ANKFY1: variants seen among roughly 807,000 people sequenced by gnomAD.
The protein encoded by ANKFY1 is ankyrin repeat and FYVE domain-containing protein 1.
A neutral mutation model predicts 128.3 loss-of-function variants in ANKFY1; 47 were observed. The observed-to-expected ratio is 0.37, with a 90% confidence interval of 0.29 to 0.47. The LOEUF (loss-of-function observed/expected upper bound fraction) is 0.47. ANKFY1 is among the 20% of genes least tolerant of loss of function. The pLI is 1.00. For synonymous variants in ANKFY1, 553 were observed against 601.6 expected, an observed-to-expected ratio of 0.92 and a Z score of 1.18; for missense variants, 1,222 against 1,510.6, an observed-to-expected ratio of 0.81 and a Z score of 3.17.
rs569491218 is a variant in ANKFY1, at chr17:4,263,827, C to T, written c.10+105G>A. 42 of 1,610,284 alleles carry T rather than the reference C, an allele frequency of 2.6e-5. No homozygotes were observed. The African/African-American group carries it at 4.1e-4, about 16-fold the overall frequency. The stretch of plus-strand genomic sequence containing the variant: ...GAAGGCTCGCGAGACCCGCGGAGCC[C>T]CCATGCAACCACGCCCGGCCTTCCC... On this transcript the variant is annotated intron_variant, in intron 1 of 24. Transcript: ENST00000341657.
intron 7 of ANKFY1, 50 bp downstream of exon 7, chr17:4,206,271 T>C: frequency 6.3e-7 from 1 of 1,589,424 alleles, no homozygotes; most frequent in Middle Eastern, 1.7e-4. Flanking sequence ...CAAAAATTAC[T>C]CGGATAAAAA....
At position 4,226,918 on chromosome 17, in the gene ANKFY1, TAC is replaced by T. The variant is rs1026784977; in HGVS notation, c.322+8852_322+8853del. The stretch of plus-strand genomic sequence containing the variant: ...CCAAGAATGAAAAAGGAGTTATTGC[TAC>T]AGACATTAAAAGGAGAAAACTACAA... On this transcript the variant is annotated intron_variant, in intron 3 of 24. Transcript: ENST00000341657. Among the ~76,000 whole-genome samples the T allele has an allele frequency of 5.2e-4, 79 of 152,156 alleles. 1 individual carries two copies. Among genetic ancestry groups the T allele is most frequent in the African/African-American group, 1.7e-3 (69 of 41,528 alleles).
chr17:4,256,153 G>A (rs1158606616), intron 1 of ANKFY1, among the ~76,000 whole-genome samples: 3 of 152,102 alleles, frequency 2.0e-5, no homozygotes, highest in East Asian at 3.9e-4. Context: ...AGGTGGCCAG[G>A]CGCGGTGGCT....
At chr17:4,233,338 A>G (rs1272544085) in intron 3 of ANKFY1, among the ~76,000 whole-genome samples, 1 of 152,120 alleles carries the variant, frequency 6.6e-6, no homozygotes, top group African/African-American at 2.4e-5. Flanking sequence ...TATGAGGTCA[A>G]AGATACATGG....
intron 1 of ANKFY1, among the ~76,000 whole-genome samples, chr17:4,258,389 G>C (rs1159285810): frequency 1.3e-5 from 2 of 152,068 alleles, no homozygotes; most frequent in Non-Finnish European, 2.9e-5. Context: ...GCCAGGCTTG[G>C]TGGCGGGCGC....
intron 16 of ANKFY1, among the ~76,000 whole-genome samples, chr17:4,180,662 C>T (rs1567915400): frequency 7.0e-6 from 1 of 142,340 alleles, no homozygotes; most frequent in African/African-American, 2.6e-5. Context: ...AGGGCTGAGG[C>T]AGGAGAATGG....
chr17:4,209,575 G>A (rs1430993493), intron 5 of ANKFY1, among the ~76,000 whole-genome samples: 4 of 152,260 alleles, frequency 2.6e-5, no homozygotes, highest in South Asian at 2.1e-4. Flanking sequence ...TGCTGGAATT[G>A]CAGGCGTGAG....
At chr17:4,202,614 G>A (rs1458349573) in intron 7 of ANKFY1, among the ~76,000 whole-genome samples, 4 of 123,770 alleles carry the variant, frequency 3.2e-5, no homozygotes, top group Non-Finnish European at 6.6e-5. Flanking sequence ...GGAGAATGGC[G>A]TGAACCCGGG....
At chr17:4,210,708 CAAAAAAAAAAA>C (rs371731375) in intron 4 of ANKFY1, among the ~76,000 whole-genome samples, 4 of 42,454 alleles carry the variant, frequency 9.4e-5, no homozygotes, top group African/African-American at 1.2e-4. Context: ...AACTCTGTCG[CAAAAAAAAAAA>C]AAAAAAAAAA....
chr17:4,208,501 T>C (rs2060067001), intron 5 of ANKFY1, among the ~76,000 whole-genome samples: 1 of 152,144 alleles, frequency 6.6e-6, no homozygotes, highest in African/African-American at 2.4e-5. Context: ...AGTTACAAAA[T>C]CAATTCCAAC....
chr17:4,215,575 C>T (rs755454255), intron 4 of ANKFY1, among the ~76,000 whole-genome samples: 5 of 152,128 alleles, frequency 3.3e-5, no homozygotes, highest in African/African-American at 4.8e-5. Context: ...ACTCCACTCC[C>T]GGTGTCTTCC....
Position 4,215,064 on chromosome 17 carries a change from G to A in ANKFY1, c.458+1919C>T, listed in dbSNP as rs536975953. ...AGCACTTTGGGAGGCTGAGGCGGGC[G>A]GATCACCTGAGGCTAGGAGTTTGAG... On this transcript the variant is annotated intron_variant, in intron 4 of 24. Coordinates refer to ENST00000341657, the MANE Select transcript of ANKFY1 (RefSeq NM_001330063.2). 1.5e-3 allele frequency among the ~76,000 whole-genome samples: 228 copies of A among 152,118 alleles called. 1 individual carries two copies. Among genetic ancestry groups the A allele is most frequent in the Non-Finnish European group, 2.6e-3 (177 of 67,984 alleles).
At position 4,182,389 on chromosome 17, in the gene ANKFY1, A is replaced by G. The variant is rs2059532258; in HGVS notation, c.1953-40T>C. 3 of 1,476,928 alleles carry G rather than the reference A, an allele frequency of 2.0e-6. No homozygotes were observed. The East Asian group carries it at 7.4e-5, about 36-fold the overall frequency. 91.5% of individuals were successfully genotyped at this position (1,476,928 alleles called of 1,614,324 possible). On this transcript the variant is annotated intron_variant, in intron 14 of 24. Coordinates refer to ENST00000341657, the MANE Select transcript of ANKFY1 (RefSeq NM_001330063.2). ...ACACCCAAACCAACGTTTGTGGTTG[A>G]ACCCAAAGCACAGAAGGTGCCCTTC...
intron 2 of ANKFY1, among the ~76,000 whole-genome samples, chr17:4,238,142 CTTAT>C (rs1291683172): frequency 2.0e-5 from 2 of 101,980 alleles, no homozygotes; most frequent in Admixed American, 1.3e-4. Flanking sequence ...GACTCTGTCT[CTTAT>C]TTATTTAAAA....
intron 3 of ANKFY1, among the ~76,000 whole-genome samples, chr17:4,220,195 A>G (rs547727792): frequency 2.0e-5 from 3 of 152,348 alleles, no homozygotes; most frequent in East Asian, 3.9e-4. Context: ...AATTAGATTT[A>G]TTTAAACAAC....
intron 11 of ANKFY1, 36 bp downstream of exon 11, chr17:4,189,346 C>A (rs1282860724): frequency 6.6e-7 from 1 of 1,524,762 alleles, no homozygotes; most frequent in South Asian, 1.2e-5. Flanking sequence ...TTCCATAGAT[C>A]AACACCATTT....
intron 16 of ANKFY1, among the ~76,000 whole-genome samples, chr17:4,180,852 G>A (rs1002686043): frequency 2.6e-5 from 4 of 151,448 alleles, no homozygotes; most frequent in Admixed American, 2.6e-4. Flanking sequence ...GAATAACCTC[G>A]GCTCCCACAC....
intron 5 of ANKFY1, among the ~76,000 whole-genome samples, chr17:4,208,728 C>T (rs2060070781): frequency 6.6e-6 from 1 of 151,664 alleles, no homozygotes; most frequent in African/African-American, 2.4e-5. Context: ...AGCACCAGCC[C>T]TAATATTCTA....
At chr17:4,172,767 G>A in intron 21 of ANKFY1, 87 bp from the exon 22 acceptor site, 1 of 1,512,212 alleles carries the variant, frequency 6.6e-7, no homozygotes, top group Non-Finnish European at 8.9e-7. Context: ...CTCTGTGATG[G>A]TGGATAAATC....
Sources: gnomAD v4.1 joint callset for allele counts (sites outside exome capture counted in the v4.1 genomes callset) on GRCh38, gnomAD v4.1.1 for gene constraint, MANE v1.5 for transcripts, NCBI Gene and HGNC (gene_info 2026-07-23, HGNC 2026-07-21) for gene names.